Variants in RGS6 observed in about 807,000 individuals in gnomAD.
RGS6 encodes regulator of G-protein signaling 6.
Under a neutral mutation model 78.5 loss-of-function variants are expected in RGS6, and 30 were observed. That is an observed-to-expected ratio of 0.38 (90% CI 0.29 to 0.52). The LOEUF (loss-of-function observed/expected upper bound fraction) is 0.52, where lower values mean the gene tolerates loss of function less well. Ranked by LOEUF, RGS6 falls within the 20% of genes least tolerant of loss-of-function variation. The pLI is 0.85. For missense variants in RGS6, 495 were observed against 609.7 expected, an observed-to-expected ratio of 0.81 and a Z score of 1.98; for synonymous variants, 206 against 206.0, an observed-to-expected ratio of 1.00 and a Z score of 0.00.
chr14:72,263,307 T>C (rs77331431), intron 2 of RGS6, among the ~76,000 whole-genome samples: 9,661 of 152,286 alleles, frequency 0.063, 408 homozygotes, highest in Middle Eastern at 0.16. Flanking sequence ...CAGAACCTTT[T>C]TGAAAGTCAA....
At chr14:71,929,490 T>G (rs778711746), upstream of RGS6, among the ~76,000 whole-genome samples, 52 of 152,210 alleles carry the variant, frequency 3.4e-4, no homozygotes, top group Non-Finnish European at 1.2e-4. Context: ...CATCACTGGT[T>G]TTCATTTATG....
chr14:72,219,966 G>A (rs988297137), intron 2 of RGS6, among the ~76,000 whole-genome samples: 1 of 140,982 alleles, frequency 7.1e-6, no homozygotes, highest in Non-Finnish European at 1.6e-5. Context: ...CAGATAGTAC[G>A]ATTCTCTGCC....
rs538935204 is a variant in RGS6 at position 71,943,106 on chromosome 14, A to G, written c.-21+10165A>G. On this transcript the variant is annotated intron_variant, in intron 1 of 17. Transcript: ENST00000553525. ...TGCATGAATGAGAGCTGGTGGTGGC[A>G]CTCCCTTGGAAATACCCCAGGCACC... 1.6e-3 allele frequency among the ~76,000 whole-genome samples: 243 copies of G among 152,018 alleles called. 1 individual carries two copies. The highest frequency in any genetic ancestry group is 3.2e-3 in the Non-Finnish European group (216 of 67,962).
At chr14:72,001,895 C>CTTTTTTTTTTTTT (rs59274317) in intron 2 of RGS6, among the ~76,000 whole-genome samples, 9 of 92,528 alleles carry the variant, frequency 9.7e-5, no homozygotes, top group African/African-American at 4.0e-4. Context: ...ATCCATTAAT[C>CTTTTTTTTTTTTT]TTTTTTTTTT....
intron 3 of RGS6, among the ~76,000 whole-genome samples, chr14:72,401,423 C>T (rs1168859282): frequency 6.6e-6 from 1 of 151,546 alleles, no homozygotes; most frequent in Non-Finnish European, 1.5e-5. Context: ...TGACACACTC[C>T]GTCATTTGTG....
At chr14:71,885,604 T>C in the RGS6 span, among the ~76,000 whole-genome samples, 2 of 152,286 alleles carry the variant, frequency 1.3e-5, no homozygotes, top group East Asian at 3.9e-4. Flanking sequence ...AGGAATCACA[T>C]CAAAGAGCCC....
At position 72,395,580 on chromosome 14, in the gene RGS6, C is replaced by T. The variant is rs1251683722; in HGVS notation, c.184+43386C>T. ...TAAGTTTTAGGGTACATGTGCACAA[C>T]ATGCAGGTTTGTTACATATGTATAC... On this transcript the variant is annotated intron_variant, in intron 3 of 17. Transcript: ENST00000553525. Among the ~76,000 whole-genome samples, 4 of 152,052 alleles carry T rather than the reference C, an allele frequency of 2.6e-5. No homozygotes were observed. In the East Asian group the frequency reaches 7.7e-4, roughly 29 times the overall value.
chr14:72,310,383 C>T (rs912092454), intron 2 of RGS6, among the ~76,000 whole-genome samples: 1 of 152,180 alleles, frequency 6.6e-6, no homozygotes, highest in Non-Finnish European at 1.5e-5. Context: ...AAATACTGAG[C>T]TTTGTCTTTC....
chr14:72,405,944 C>T (rs1422886704), intron 3 of RGS6, among the ~76,000 whole-genome samples: 2 of 152,168 alleles, frequency 1.3e-5, no homozygotes, highest in African/African-American at 2.4e-5. Flanking sequence ...AGATGACCCG[C>T]GTATTTCCAA....
the RGS6 span, among the ~76,000 whole-genome samples, chr14:71,915,839 G>C: frequency 3.3e-5 from 5 of 152,108 alleles, no homozygotes; most frequent in African/African-American, 1.2e-4. Context: ...TGTTAGGATG[G>C]GCCTTAATCC....
chr14:72,220,373 A>C (rs1022829456), intron 2 of RGS6, among the ~76,000 whole-genome samples: 1 of 151,878 alleles, frequency 6.6e-6, no homozygotes, highest in Non-Finnish European at 1.5e-5. Flanking sequence ...ATCCTTTTCT[A>C]CTTAGCCTGG....
At chr14:72,086,397 T>G (rs1025294255) in intron 2 of RGS6, among the ~76,000 whole-genome samples, 104 of 152,358 alleles carry the variant, frequency 6.8e-4, no homozygotes, top group African/African-American at 2.3e-3. Flanking sequence ...ACTCTTGACC[T>G]CCAAAAGAAC....
the RGS6 span, among the ~76,000 whole-genome samples, chr14:72,575,099 A>T: frequency 2.0e-5 from 3 of 152,162 alleles, no homozygotes; most frequent in Non-Finnish European, 2.9e-5. Flanking sequence ...GTGAGGATAC[A>T]GCTGGCAGCC....
chr14:72,481,515 T>C (rs1325038148), intron 12 of RGS6, among the ~76,000 whole-genome samples: 3 of 152,198 alleles, frequency 2.0e-5, no homozygotes, highest in Non-Finnish European at 4.4e-5. Context: ...ACGCCATCAC[T>C]AATCTGGGGC....
chr14:72,254,806 CTG>C (rs1738778917), intron 2 of RGS6, among the ~76,000 whole-genome samples: 1 of 152,218 alleles, frequency 6.6e-6, no homozygotes, highest in African/African-American at 2.4e-5. Context: ...CTGTACAAGT[CTG>C]TGCCTCAGGG....
chr14:72,504,783 T>C lies in RGS6; in HGVS notation c.966-5371T>C, dbSNP rs534261561. Among the ~76,000 whole-genome samples, 42 of 151,070 alleles carry C rather than the reference T, an allele frequency of 2.8e-4. No individual in the cohort carries two copies. The South Asian group carries it at 6.2e-3, about 22-fold the overall frequency. ...TTTCCTTTCCTTTCAAGATGGAGTC[T>C]CACTGTGTCACCCAGGCTGGAGTGC... On this transcript the variant is annotated intron_variant, in intron 13 of 17. Coordinates refer to ENST00000553525, the MANE Select transcript of RGS6 (RefSeq NM_001204424.2).
intron 15 of RGS6, among the ~76,000 whole-genome samples, chr14:72,529,127 T>C (rs897452876): frequency 2.0e-5 from 3 of 152,212 alleles, no homozygotes; most frequent in African/African-American, 7.2e-5. Flanking sequence ...CATCAAAGGC[T>C]GCATTTCGTT....
intron 2 of RGS6, among the ~76,000 whole-genome samples, chr14:72,020,065 G>A (rs1785828750): frequency 6.6e-6 from 1 of 152,212 alleles, no homozygotes; most frequent in African/African-American, 2.4e-5. Flanking sequence ...TCACCATGAA[G>A]TTATATTAAT....
At chr14:72,497,203 T>C (rs1358565842) in intron 13 of RGS6, among the ~76,000 whole-genome samples, 1 of 152,170 alleles carries the variant, frequency 6.6e-6, no homozygotes, top group African/African-American at 2.4e-5. Flanking sequence ...TTTCATTCCC[T>C]TAGCTTAAAA....
Sources: allele counts gnomAD v4.1 joint callset (sites outside exome capture counted in the v4.1 genomes callset), GRCh38; gene constraint gnomAD v4.1.1; transcripts MANE v1.5; gene names NCBI Gene and HGNC (gene_info 2026-07-23, HGNC 2026-07-21).